The following CNTNAP2 variants were observed in gnomAD, a reference collection of about 807,000 sequenced individuals.
CNTNAP2 encodes contactin-associated protein-like 2.
Under a neutral mutation model 155.2 loss-of-function variants are expected in CNTNAP2, and 98 were observed. The observed-to-expected ratio is 0.63, with a 90% CI of 0.54 to 0.75. The LOEUF (loss-of-function observed/expected upper bound fraction) is 0.75. CNTNAP2 is among the 30% of genes least tolerant of loss of function. CNTNAP2 has a pLI of 0.00. For missense variants in CNTNAP2, 1,727 were observed against 1,688.1 expected, an observed-to-expected ratio of 1.02 and a Z score of -0.40; for synonymous variants, 651 against 631.2, an observed-to-expected ratio of 1.03 and a Z score of -0.47.
intron 21 of CNTNAP2, among the ~76,000 whole-genome samples, chr7:148,308,821 G>A (rs1490649504): frequency 6.7e-6 from 1 of 149,050 alleles, no homozygotes; most frequent in Non-Finnish European, 1.5e-5. Flanking sequence ...GTGAGAACAT[G>A]CAGTGTTTGG....
At chr7:148,121,362 C>A (rs936550821) in intron 16 of CNTNAP2, among the ~76,000 whole-genome samples, 3 of 152,174 alleles carry the variant, frequency 2.0e-5, no homozygotes, top group Non-Finnish European at 4.4e-5. Flanking sequence ...TCAGACACTT[C>A]GCCATCAGGA....
At chr7:147,289,817 C>T (rs866933469) in intron 8 of CNTNAP2, among the ~76,000 whole-genome samples, 7 of 152,152 alleles carry the variant, frequency 4.6e-5, no homozygotes, top group Middle Eastern at 3.4e-3. Context: ...TAATTGTTTT[C>T]TCCTGTTTAA....
intron 21 of CNTNAP2, among the ~76,000 whole-genome samples, chr7:148,306,959 A>G (rs1343558292): frequency 6.6e-6 from 1 of 152,026 alleles, no homozygotes; most frequent in African/African-American, 2.4e-5. Flanking sequence ...TCAGTGGCTG[A>G]GTTGTTTCAT....
At chr7:146,905,299 C>G (rs1415205171) in intron 3 of CNTNAP2, among the ~76,000 whole-genome samples, 2 of 152,008 alleles carry the variant, frequency 1.3e-5, no homozygotes, top group Non-Finnish European at 2.9e-5. Flanking sequence ...TTGGCCTTCA[C>G]CTACCACACC....
intron 3 of CNTNAP2, among the ~76,000 whole-genome samples, chr7:146,903,203 T>C (rs141480667): frequency 3.9e-5 from 6 of 152,284 alleles, no homozygotes; most frequent in Non-Finnish European, 7.4e-5. Flanking sequence ...TGCGATCAAA[T>C]ATCGGACCTT....
intron 13 of CNTNAP2, among the ~76,000 whole-genome samples, chr7:147,658,854 G>A (rs1480393041): frequency 6.6e-6 from 1 of 152,192 alleles, no homozygotes; most frequent in Non-Finnish European, 1.5e-5. Flanking sequence ...TCAGGCTACA[G>A]TGGGGTCTTG....
intron 1 of CNTNAP2, among the ~76,000 whole-genome samples, chr7:146,772,504 A>G (rs1294732691): frequency 7.1e-5 from 8 of 112,754 alleles, no homozygotes; most frequent in African/African-American, 3.1e-4. Flanking sequence ...TGAAAATACA[A>G]AAAAAAAAAA....
rs369056998 is a variant in CNTNAP2 at position 146,839,700 on chromosome 7, C to G, written c.209-11C>G. The G allele has an allele frequency of 3.1e-6, 5 of 1,613,944 alleles. No individual in the cohort carries two copies. In the African/African-American group the frequency reaches 5.3e-5, roughly 17 times the overall value. On this transcript the variant is annotated splice_polypyrimidine_tract_variant and intron_variant, in intron 2 of 23. Coordinates refer to ENST00000361727, the MANE Select transcript of CNTNAP2 (RefSeq NM_014141.6). The stretch of plus-strand genomic sequence containing the variant: ...TATTCATTTTCCCATCTTACCTCTG[C>G]CCATCTTCAGGTGCTGGGGGATGGT...
intron 3 of CNTNAP2, among the ~76,000 whole-genome samples, chr7:146,981,244 T>A (rs757093615): frequency 6.6e-6 from 1 of 152,208 alleles, no homozygotes; most frequent in Non-Finnish European, 1.5e-5. Flanking sequence ...CAAAGAGTTA[T>A]AACTTATTGG....
At chr7:146,436,136 A>T (rs1294430452) in intron 1 of CNTNAP2, among the ~76,000 whole-genome samples, 2 of 152,184 alleles carry the variant, frequency 1.3e-5, no homozygotes, top group Non-Finnish European at 2.9e-5. Context: ...ACCTATAACT[A>T]GCACCATGTA....
At chr7:148,330,861 T>C (rs1486502959) in intron 21 of CNTNAP2, among the ~76,000 whole-genome samples, 2 of 136,862 alleles carry the variant, frequency 1.5e-5, no homozygotes, top group Admixed American at 1.5e-4. Flanking sequence ...ATGGAATGGA[T>C]GGACGGATGG....
At chr7:146,864,022 C>T (rs1411475475) in intron 3 of CNTNAP2, among the ~76,000 whole-genome samples, 1 of 151,950 alleles carries the variant, frequency 6.6e-6, no homozygotes, top group Non-Finnish European at 1.5e-5. Flanking sequence ...TTAAAATGCT[C>T]TAAGTAACCT....
chr7:147,263,684 G>A (rs888746723), intron 8 of CNTNAP2, among the ~76,000 whole-genome samples: 16 of 152,120 alleles, frequency 1.1e-4, no homozygotes, highest in South Asian at 2.1e-4. Context: ...TTCTCTACCC[G>A]GAAGGAGTGA....
At chr7:146,924,709 T>A (rs1563004153) in intron 3 of CNTNAP2, among the ~76,000 whole-genome samples, 1 of 152,144 alleles carries the variant, frequency 6.6e-6, no homozygotes, top group Non-Finnish European at 1.5e-5. Flanking sequence ...GACCTGACAC[T>A]ATTTTTTGAA....
chr7:146,766,059 C>G (rs1009608088), intron 1 of CNTNAP2, among the ~76,000 whole-genome samples: 1 of 151,938 alleles, frequency 6.6e-6, no homozygotes, highest in South Asian at 2.1e-4. Context: ...AGAGGGGAAG[C>G]CATCAGGAAG....
rs746056852 is a variant in CNTNAP2 at position 147,300,160 on chromosome 7, A to G, written c.1368A>G (p.Gly456=). 8.1e-6 allele frequency: 13 copies of G among 1,614,030 alleles called. No individual in the cohort carries two copies. The South Asian group carries it at 1.4e-4, about 18-fold the overall frequency. Residue 456 remains glycine (G), a synonymous_variant, in exon 9 of 24, where the codon GGA becomes GGG. Coordinates refer to ENST00000361727, the MANE Select transcript of CNTNAP2 (RefSeq NM_014141.6). Reference sequence around the variant, plus strand: ...TACCAGGTTCTGGGTTGAATGATGGACAGTGGCACGAGGTTCGCTTCCTAG... The same window carrying G: ...TACCAGGTTCTGGGTTGAATGATGGGCAGTGGCACGAGGTTCGCTTCCTAG... The part of the protein sequence containing the change: ...DISSGSGLND[G]QWHEVRFLAK...
chr7:147,555,370 A>G (rs907015826), intron 11 of CNTNAP2, among the ~76,000 whole-genome samples: 1 of 152,168 alleles, frequency 6.6e-6, no homozygotes, highest in African/African-American at 2.4e-5. Context: ...AAATTCCCAG[A>G]AAACCAATCC....
At chr7:146,642,658 C>G (rs892498881) in intron 1 of CNTNAP2, among the ~76,000 whole-genome samples, 8 of 151,910 alleles carry the variant, frequency 5.3e-5, no homozygotes, top group African/African-American at 1.9e-4. Context: ...ATTTATAGTC[C>G]TTTGGGTATA....
intron 1 of CNTNAP2, among the ~76,000 whole-genome samples, chr7:146,146,189 T>G (rs150998298): frequency 6.6e-6 from 1 of 152,300 alleles, no homozygotes; most frequent in Admixed American, 6.5e-5. Flanking sequence ...TTTTAAATAA[T>G]TGAAAATATT....
Sources: gnomAD v4.1 joint callset for allele counts (sites outside exome capture counted in the v4.1 genomes callset) on GRCh38, gnomAD v4.1.1 for gene constraint, MANE v1.5 for transcripts, NCBI Gene and HGNC (gene_info 2026-07-23, HGNC 2026-07-21) for gene names.